The following DLGAP2 variants were observed in gnomAD, a reference collection of about 807,000 sequenced individuals.
DLGAP2 encodes disks large-associated protein 2.
Under a neutral mutation model 100.3 loss-of-function variants are expected in DLGAP2, and 26 were observed. The ratio of observed to expected loss-of-function variants is 0.26; its 90% CI spans 0.19 to 0.36. The LOEUF (loss-of-function observed/expected upper bound fraction) is 0.36, where lower values mean the gene tolerates loss of function less well. Ranked by LOEUF, DLGAP2 falls within the 10% of genes least tolerant of loss-of-function variation. The pLI is 1.00. For synonymous variants in DLGAP2, 886 were observed against 630.1 expected (o/e 1.41, Z -6.08); for missense variants, 1,858 against 1,453.2 (o/e 1.28, Z -4.53).
intron 3 of DLGAP2, chr8:1,381,407 C>G (rs1008454587): frequency 6.6e-6 from 1 of 152,188 alleles, no homozygotes; most frequent in Non-Finnish European, 1.5e-5. Flanking sequence ...GAGCGTAACT[C>G]TTTTGTACTC....
intron 3 of DLGAP2, among the ~76,000 whole-genome samples, chr8:1,374,354 A>C (rs1351356638): frequency 6.6e-6 from 1 of 151,870 alleles, no homozygotes; most frequent in Admixed American, 6.6e-5. Flanking sequence ...CATGTTCGGC[A>C]CGGGTCCAGT....
chr8:1,431,124 C>A (rs1430055950), intron 3 of DLGAP2, among the ~76,000 whole-genome samples: 1 of 152,152 alleles, frequency 6.6e-6, no homozygotes, highest in South Asian at 2.1e-4. Flanking sequence ...TTGTTACAAC[C>A]CAGTGTACAG....
chr8:1,329,352 C>G (rs900925280), intron 3 of DLGAP2, among the ~76,000 whole-genome samples: 2 of 152,154 alleles, frequency 1.3e-5, no homozygotes, highest in Non-Finnish European at 2.9e-5. Context: ...AATGGCATTT[C>G]ATTTAGAATT....
chr8:1,604,047 A>C lies in DLGAP2; in HGVS notation c.1443-22693A>C, dbSNP rs142154900. Among the ~76,000 whole-genome samples, 1,099 of 152,234 alleles carry C rather than the reference A, an allele frequency of 7.2e-3. 15 individuals are homozygous for C. The highest frequency in any genetic ancestry group is 0.025 in the African/African-American group (1,053 of 41,548). On this transcript the variant is annotated intron_variant, in intron 6 of 14. Coordinates refer to ENST00000637795, the MANE Select transcript of DLGAP2 (RefSeq NM_001346810.2). ...ACACATTTCCATTCTGATGCCCAAG[A>C]CACAGCTGGGACAGAACACATTCTT... is the stretch of plus-strand genomic sequence containing the variant.
intron 2 of DLGAP2, among the ~76,000 whole-genome samples, chr8:1,079,813 A>C (rs534139723): frequency 6.6e-6 from 1 of 152,368 alleles, no homozygotes; most frequent in South Asian, 2.1e-4. Context: ...AGAGAAAATT[A>C]GCTCAATTTG....
chr8:868,852 C>T (rs942350118), intron 1 of DLGAP2, among the ~76,000 whole-genome samples: 10 of 152,222 alleles, frequency 6.6e-5, no homozygotes, highest in African/African-American at 2.4e-4. Context: ...TCAGGCAGCC[C>T]AGAGTGAGGG....
At chr8:1,010,673 G>T (rs1321076922) in intron 2 of DLGAP2, among the ~76,000 whole-genome samples, 2 of 152,226 alleles carry the variant, frequency 1.3e-5, no homozygotes, top group Admixed American at 1.3e-4. Context: ...AGCCACCTGA[G>T]TGGTGTCATT....
At chr8:1,386,864 T>C (rs1417859286) in intron 3 of DLGAP2, among the ~76,000 whole-genome samples, 1 of 152,184 alleles carries the variant, frequency 6.6e-6, no homozygotes, top group Non-Finnish European at 1.5e-5. Context: ...GTTGAGAGAA[T>C]TTTGAACTGT....
At chr8:1,656,299 G>T (rs1423268579) in intron 8 of DLGAP2, among the ~76,000 whole-genome samples, 1 of 151,362 alleles carries the variant, frequency 6.6e-6, no homozygotes, top group Admixed American at 6.6e-5. Flanking sequence ...GACAGGGCAA[G>T]ACTCTGTCTC....
intron 3 of DLGAP2, among the ~76,000 whole-genome samples, chr8:1,355,701 C>T (rs1218139648): frequency 6.6e-6 from 1 of 152,036 alleles, no homozygotes; most frequent in Non-Finnish European, 1.5e-5. Flanking sequence ...AAAACAAATG[C>T]TTGATTGACT....
At chr8:892,285 G>A (rs1337763444) in intron 1 of DLGAP2, among the ~76,000 whole-genome samples, 8 of 152,232 alleles carry the variant, frequency 5.3e-5, no homozygotes, top group African/African-American at 1.9e-4. Flanking sequence ...GCAGCCAGAG[G>A]TGGCAGCAGC....
At chr8:976,761 T>A (rs1045680534) in intron 2 of DLGAP2, among the ~76,000 whole-genome samples, 1 of 152,184 alleles carries the variant, frequency 6.6e-6, no homozygotes, top group Non-Finnish European at 1.5e-5. Context: ...GATGTAGACG[T>A]AAACCTTTGA....
intron 4 of DLGAP2, among the ~76,000 whole-genome samples, chr8:1,504,078 C>T (rs1223105700): frequency 1.3e-5 from 2 of 151,940 alleles, no homozygotes; most frequent in East Asian, 1.9e-4. Context: ...TAGGTCTTGA[C>T]CCTGGTTCTA....
chr8:1,158,108 T>A (rs1183543217), intron 2 of DLGAP2, among the ~76,000 whole-genome samples: 1 of 152,254 alleles, frequency 6.6e-6, no homozygotes, highest in African/African-American at 2.4e-5. Flanking sequence ...TTAGTTTTTC[T>A]AATAGACCAT....
intron 1 of DLGAP2, among the ~76,000 whole-genome samples, chr8:765,231 A>T (rs1038509066): frequency 6.6e-6 from 1 of 152,148 alleles, no homozygotes; most frequent in African/African-American, 2.4e-5. Context: ...TTACAAAAAA[A>T]CCCTAATATG....
At chr8:1,165,280 A>G (rs1236300455) in intron 2 of DLGAP2, among the ~76,000 whole-genome samples, 4 of 151,804 alleles carry the variant, frequency 2.6e-5, no homozygotes, top group African/African-American at 9.7e-5. Context: ...AGACAGAGAC[A>G]GAGATGGGGA....
intron 3 of DLGAP2, among the ~76,000 whole-genome samples, chr8:1,315,391 C>G (rs1200052406): frequency 7.1e-6 from 1 of 141,450 alleles, no homozygotes; most frequent in African/African-American, 2.8e-5. Context: ...CAACAGTGGT[C>G]TACACTCGAG....
chr8:1,390,071 T>C (rs922325423), intron 3 of DLGAP2, among the ~76,000 whole-genome samples: 5 of 152,188 alleles, frequency 3.3e-5, no homozygotes, highest in African/African-American at 4.8e-5. Context: ...GGCTGACATT[T>C]CATCCGTTGA....
intron 4 of DLGAP2, among the ~76,000 whole-genome samples, chr8:1,534,665 T>G (rs1214265790): frequency 1.3e-5 from 2 of 152,174 alleles, no homozygotes; most frequent in Non-Finnish European, 1.5e-5. Flanking sequence ...AGATGTTTCT[T>G]AAAGATGGAT....
Sources: gnomAD v4.1 joint callset for allele counts (sites outside exome capture counted in the v4.1 genomes callset) on GRCh38, gnomAD v4.1.1 for gene constraint, MANE v1.5 for transcripts, NCBI Gene and HGNC (gene_info 2026-07-23, HGNC 2026-07-21) for gene names.